Variants in ROBO1 observed in about 807,000 individuals in gnomAD.
ROBO1 encodes the protein roundabout homolog 1.
A neutral mutation model predicts 195.9 loss-of-function variants in ROBO1; 149 were observed. That is an observed-to-expected ratio of 0.76 (90% CI 0.67 to 0.87). ROBO1 has a LOEUF of 0.87. ROBO1 is among the 40% of genes least tolerant of loss of function. The pLI is 0.00. For missense variants in ROBO1, 1,933 were observed against 2,068.3 expected (o/e 0.93, Z 1.27); for synonymous variants, 816 against 733.2 (o/e 1.11, Z -1.82).
At chr3:78,624,693 T>C (rs889190571) in intron 26 of ROBO1, among the ~76,000 whole-genome samples, 6 of 152,088 alleles carry the variant, frequency 3.9e-5, no homozygotes, top group Admixed American at 3.3e-4. Context: ...TCAAAGAACT[T>C]TTAATTTAAA....
intron 1 of ROBO1, among the ~76,000 whole-genome samples, chr3:79,704,779 G>T (rs918597419): frequency 6.6e-6 from 1 of 151,902 alleles, no homozygotes; most frequent in East Asian, 1.9e-4. Flanking sequence ...TTCGCAAGTG[G>T]CTACATCATT....
chr3:79,366,797 T>A (rs931621206), intron 2 of ROBO1, among the ~76,000 whole-genome samples: 1 of 152,170 alleles, frequency 6.6e-6, no homozygotes, highest in African/African-American at 2.4e-5. Flanking sequence ...AATCCTAAAT[T>A]CCTTGTAAGG....
At chr3:78,959,045 C>T (rs2041201784) in intron 3 of ROBO1, among the ~76,000 whole-genome samples, 1 of 152,024 alleles carries the variant, frequency 6.6e-6, no homozygotes, top group Non-Finnish European at 1.5e-5. Flanking sequence ...TCAAGCTATC[C>T]TCCTGCCTCA....
intron 1 of ROBO1, among the ~76,000 whole-genome samples, chr3:79,688,040 TAA>T (rs1168357853): frequency 6.6e-6 from 1 of 151,898 alleles, no homozygotes; most frequent in Non-Finnish European, 1.5e-5. Flanking sequence ...TATGCAGCCA[TAA>T]AAAATGATGA....
intron 3 of ROBO1, among the ~76,000 whole-genome samples, chr3:79,012,329 G>A (rs2077801666): frequency 1.3e-5 from 2 of 152,084 alleles, no homozygotes; most frequent in Non-Finnish European, 2.9e-5. Context: ...GTTGACATTT[G>A]CTTGTATCCT....
chr3:79,219,666 T>G (rs2082105355), intron 2 of ROBO1, among the ~76,000 whole-genome samples: 1 of 152,052 alleles, frequency 6.6e-6, no homozygotes, highest in African/African-American at 2.4e-5. Context: ...CTGTTCATTT[T>G]TCTAGTAATT....
intron 3 of ROBO1, among the ~76,000 whole-genome samples, chr3:78,948,749 G>C (rs1386883937): frequency 6.6e-6 from 1 of 152,194 alleles, no homozygotes; most frequent in African/African-American, 2.4e-5. Flanking sequence ...TGACATGATT[G>C]TATATCTAGA....
At chr3:79,621,909 C>T (rs760015640) in intron 1 of ROBO1, among the ~76,000 whole-genome samples, 19 of 152,116 alleles carry the variant, frequency 1.2e-4, no homozygotes, top group East Asian at 1.9e-4. Context: ...ACCTGGGGAG[C>T]GGGCCAAGAT....
At chr3:79,740,537 G>T (rs1703598019) in intron 1 of ROBO1, among the ~76,000 whole-genome samples, 1 of 152,076 alleles carries the variant, frequency 6.6e-6, no homozygotes. Flanking sequence ...ATGACAAAAG[G>T]TACCTCTTCA....
intron 5 of ROBO1, among the ~76,000 whole-genome samples, chr3:78,736,331 A>G (rs973950797): frequency 6.6e-6 from 1 of 152,078 alleles, no homozygotes; most frequent in African/African-American, 2.4e-5. Context: ...GGACTTTCAT[A>G]TGTTTTATGT....
intron 3 of ROBO1, among the ~76,000 whole-genome samples, chr3:79,065,124 G>A (rs1356959860): frequency 4.0e-5 from 6 of 151,896 alleles, no homozygotes; most frequent in Admixed American, 3.9e-4. Context: ...GGACTCACTT[G>A]TTACATGAGT....
Position 78,597,342 on chromosome 3 carries a change from T to C in ROBO1, c.*1571A>G, listed in dbSNP as rs541274969. 1 of 152,726 alleles carries C rather than the reference T, an allele frequency of 6.5e-6. No individual in the cohort carries two copies. Among genetic ancestry groups the C allele is most frequent in the African/African-American group, 2.4e-5 (1 of 41,578 alleles). 9.5% of individuals were successfully genotyped at this position (152,726 alleles called of 1,614,324 possible). A position where few individuals can be genotyped will look rare whatever the true frequency, so the allele number is the denominator to read the frequency against. ...GGCTAAAAATAAGGGGCTTCTTACA[T>C]GAACATAATGAAAACATTAATCACA... is the stretch of plus-strand genomic sequence containing the variant. On this transcript the variant is annotated 3_prime_UTR_variant, in exon 31 of 31. Transcript: ENST00000464233.
At chr3:78,881,199 G>C (rs2036158062) in intron 4 of ROBO1, among the ~76,000 whole-genome samples, 1 of 152,156 alleles carries the variant, frequency 6.6e-6, no homozygotes, top group Non-Finnish European at 1.5e-5. Flanking sequence ...AAGAAATATT[G>C]ATGAGAGGAT....
At chr3:78,923,466 A>T (rs1415293554) in intron 4 of ROBO1, among the ~76,000 whole-genome samples, 1 of 152,166 alleles carries the variant, frequency 6.6e-6, no homozygotes, top group Non-Finnish European at 1.5e-5. Context: ...AGAATTGTAG[A>T]TTGCCACCAG....
intron 4 of ROBO1, among the ~76,000 whole-genome samples, chr3:78,826,338 C>T (rs1421470533): frequency 2.0e-5 from 3 of 152,120 alleles, no homozygotes; most frequent in Non-Finnish European, 4.4e-5. Flanking sequence ...ATTACAGAAT[C>T]GTCTTTCTCA....
intron 4 of ROBO1, among the ~76,000 whole-genome samples, chr3:78,929,479 C>CATTTATTTATTTATTT (rs35081123): frequency 1.0e-4 from 15 of 144,368 alleles, no homozygotes; most frequent in East Asian, 4.1e-4. Context: ...TTTCCAGTAT[C>CATTTATTTATTTATTT]ATTTATTTAT....
In ROBO1 at chr3:78,984,190, T is replaced by G. The variant is rs2077055863; in HGVS notation, c.173-45263A>C. Among the ~76,000 whole-genome samples the G allele has an allele frequency of 2.6e-5, 4 of 152,126 alleles. No homozygotes were observed. The South Asian group carries it at 8.3e-4, about 32-fold the overall frequency. ...AGGACTGTGGTGGTGGTGGTGATGA[T>G]GAGGATGATGATGATGATGACAATG... On this transcript the variant is annotated intron_variant, in intron 3 of 30. Transcript: ENST00000464233.
chr3:78,920,781 T>C (rs1221445454), intron 4 of ROBO1, among the ~76,000 whole-genome samples: 1 of 151,994 alleles, frequency 6.6e-6, no homozygotes, highest in Admixed American at 6.6e-5. Context: ...CCAAAGTAGC[T>C]GGTACCACAG....
intron 10 of ROBO1, among the ~76,000 whole-genome samples, chr3:78,680,184 A>G (rs2080859679): frequency 6.6e-6 from 1 of 152,220 alleles, no homozygotes; most frequent in Non-Finnish European, 1.5e-5. Context: ...AATTAATCCA[A>G]GATGGATTAA....
Sources: allele counts gnomAD v4.1 joint callset (sites outside exome capture counted in the v4.1 genomes callset), GRCh38; gene constraint gnomAD v4.1.1; transcripts MANE v1.5; gene names NCBI Gene and HGNC (gene_info 2026-07-23, HGNC 2026-07-21).